RAP1GAP2: variants seen among roughly 807,000 people sequenced by gnomAD.
The protein encoded by RAP1GAP2 is RAP1 GTPase activating protein 2, also known as rap1 GTPase-activating protein 2.
Under a neutral mutation model 95.0 loss-of-function variants are expected in RAP1GAP2, and 27 were observed. The ratio of observed to expected loss-of-function variants is 0.28; its 90% CI spans 0.21 to 0.39. RAP1GAP2 has a LOEUF of 0.39. Ranked by LOEUF, RAP1GAP2 falls within the 10% of genes least tolerant of loss-of-function variation. The pLI, the probability that RAP1GAP2 is intolerant of heterozygous loss-of-function variation, is 1.00. For synonymous variants in RAP1GAP2, 373 were observed against 380.9 expected, an observed-to-expected ratio of 0.98 and a Z score of 0.24; for missense variants, 771 against 970.0, an observed-to-expected ratio of 0.79 and a Z score of 2.72.
rs918461556 is a variant in RAP1GAP2 at position 3,034,322 on chromosome 17, C to T, written c.*961C>T. Reference sequence around the variant, plus strand: ...AAAACCTCGGGCCTGAGGGCCAGGCCGGAGCCCAGGTCTCTGCTGACAATG... The same window carrying T: ...AAAACCTCGGGCCTGAGGGCCAGGCTGGAGCCCAGGTCTCTGCTGACAATG... On this transcript the variant is annotated 3_prime_UTR_variant, in exon 25 of 25. Transcript: ENST00000254695. The surrounding 1 kb of genome is among the most constrained non-coding windows in gnomAD (Gnocchi z 5.1). 5 of 202,406 alleles carry T rather than the reference C, an allele frequency of 2.5e-5. No individual in the cohort carries two copies. Among genetic ancestry groups the T allele is most frequent in the Admixed American group, 6.4e-5 (1 of 15,704 alleles). The allele number at this position is 202,406 out of a possible 1,614,324, so 12.5% of individuals were successfully genotyped here.
chr17:2,953,422 AACTTAATAT>A (rs2043986745), intron 3 of RAP1GAP2, among the ~76,000 whole-genome samples: 1 of 152,148 alleles, frequency 6.6e-6, no homozygotes. Context: ...TCCACCCCTC[AACTTAATAT>A]ATCTTGGAGA....
intron 1 of RAP1GAP2, among the ~76,000 whole-genome samples, chr17:2,767,247 A>G (rs984266193): frequency 1.3e-5 from 2 of 150,758 alleles, no homozygotes; most frequent in Non-Finnish European, 1.5e-5. Context: ...CTGTAATCCC[A>G]GCTGCTTGGG....
chr17:2,918,757 A>G (rs1340331422), intron 3 of RAP1GAP2, among the ~76,000 whole-genome samples: 1 of 152,152 alleles, frequency 6.6e-6, no homozygotes, highest in Non-Finnish European at 1.5e-5. Flanking sequence ...CCCCACCTCC[A>G]GCACTGAGGG....
chr17:2,849,417 G>A (rs2071730729), intron 2 of RAP1GAP2, among the ~76,000 whole-genome samples: 1 of 152,184 alleles, frequency 6.6e-6, no homozygotes, highest in Non-Finnish European at 1.5e-5. Flanking sequence ...CGGGGATTGG[G>A]GCTGATTCCC....
intron 1 of RAP1GAP2, among the ~76,000 whole-genome samples, chr17:2,780,150 A>G (rs1037621191): frequency 1.3e-5 from 2 of 152,144 alleles, no homozygotes; most frequent in Admixed American, 1.3e-4. Flanking sequence ...TCCTGGGTTC[A>G]AGTGATTCTC....
In RAP1GAP2 at chr17:2,914,087, G is replaced by A. The variant is rs370673081; in HGVS notation, c.165+8719G>A. Among the ~76,000 whole-genome samples, 268 of 152,150 alleles carry A rather than the reference G, an allele frequency of 1.8e-3. 2 individuals carry two copies. Among genetic ancestry groups the A allele is most frequent in the African/African-American group, 5.7e-3 (236 of 41,500 alleles). ...GGGGTTTCACCATGTTGGCCAGGAT[G>A]GTCTCGAACTCCCAACCTCAAGTGA... On this transcript the variant is annotated intron_variant, in intron 3 of 24. Transcript: ENST00000254695.
chr17:2,818,318 TTTATTTATTTATTTATTTATTTA>T (rs1285793603), intron 2 of RAP1GAP2, among the ~76,000 whole-genome samples: 2 of 147,136 alleles, frequency 1.4e-5, no homozygotes, highest in African/African-American at 5.2e-5. Flanking sequence ...TATTTATTTA[TTTATTTATTTATTTATTTATTTA>T]TTTTTGAGAC....
In RAP1GAP2 at chr17:3,030,944, G is replaced by A. The variant is rs748592156; in HGVS notation, c.2130G>A (p.Pro710=). The change falls in exon 23 of 25, where the codon CCG becomes CCA. Residue 710 remains proline, a synonymous_variant. Transcript: ENST00000254695. ...TAGATGCCAAAAGCAGAAACTCCCC[G>A]AGATCGAACCTGAAATTCCGCTTTG... ...SPTDAKSRNS[P]RSNLKFRFDK... is the part of the protein sequence containing the mutation. 2.9e-5 allele frequency: 47 copies of A among 1,609,596 alleles called. No individual in the cohort carries two copies. The highest frequency in any genetic ancestry group is 3.8e-5 in the Non-Finnish European group (45 of 1,178,166).
Position 3,029,164 on chromosome 17 carries a change from G to T in RAP1GAP2, c.2108-1758G>T, listed in dbSNP as rs772664347. 2.6e-5 allele frequency among the ~76,000 whole-genome samples: 4 copies of T among 152,168 alleles called. No individual in the cohort carries two copies. Among genetic ancestry groups the T allele is most frequent in the Non-Finnish European group, 4.4e-5 (3 of 68,026 alleles). ...TTAAATATTGAAGGAATGAATGAAA[G>T]AATCTGTAAGCAAGCCTGGCCCCCA... On this transcript the variant is annotated intron_variant, in intron 22 of 24. Coordinates refer to ENST00000254695, the MANE Select transcript of RAP1GAP2 (RefSeq NM_015085.5). The surrounding 1 kb of genome is among the most constrained non-coding windows in gnomAD (Gnocchi z 4.4).
intron 3 of RAP1GAP2, among the ~76,000 whole-genome samples, chr17:2,948,029 T>C (rs7213557): frequency 0.97 from 147,260 of 152,250 alleles, 71,331 homozygotes; most frequent in African/African-American, 0.98. Flanking sequence ...TGTAGCCTTG[T>C]CCCCTCCGTG....
chr17:2,787,178 T>C (rs1257608024), intron 1 of RAP1GAP2, among the ~76,000 whole-genome samples: 1 of 151,910 alleles, frequency 6.6e-6, no homozygotes, highest in South Asian at 2.1e-4. Context: ...CTCGAACTCC[T>C]GACCTCAAGT....
In RAP1GAP2 at chr17:2,884,372, G is replaced by GTT. The variant is rs72123618; in HGVS notation, c.81-20895_81-20894dup. Among the ~76,000 whole-genome samples, 48 of 123,722 alleles carry GTT rather than the reference G, an allele frequency of 3.9e-4. 1 individual carries two copies. The highest frequency in any genetic ancestry group is 8.0e-4 in the South Asian group (3 of 3,736). The allele number at this position is 123,722 out of a possible 152,430, so 81.2% of individuals were successfully genotyped here. A position where few individuals can be genotyped will look rare whatever the true frequency, so the allele number is the denominator to read the frequency against. ...CTCTTGGAGTCAGAGTTCTTGAGTT[G>GTT]TTTTTTTTTTTTTTTTTTGAGACAG... On this transcript the variant is annotated intron_variant, in intron 2 of 24. Transcript: ENST00000254695.
chr17:3,008,538 G>A lies in RAP1GAP2; in HGVS notation c.1494+393G>A, dbSNP rs935057149. ...CAGGAGCGAGGACCACAGCCCTTAC[G>A]GGTCTTCGTAGCTGCTGTGGGTGCC... On this transcript the variant is annotated intron_variant, in intron 17 of 24. Transcript: ENST00000254695. The surrounding 1 kb of genome is among the most constrained non-coding windows in gnomAD (Gnocchi z 4.2). Among the ~76,000 whole-genome samples, 2 of 152,202 alleles carry A rather than the reference G, an allele frequency of 1.3e-5. No individual in the cohort carries two copies. Among genetic ancestry groups the A allele is most frequent in the African/African-American group, 2.4e-5 (1 of 41,448 alleles).
intron 14 of RAP1GAP2, among the ~76,000 whole-genome samples, chr17:2,999,930 A>G (rs116948132): frequency 0.051 from 7,831 of 152,214 alleles, 252 homozygotes; most frequent in Middle Eastern, 0.095. Context: ...TGGCGAAGAC[A>G]TGGTGTGAGC....
At chr17:2,959,819 G>A (rs1342282367) in intron 4 of RAP1GAP2, among the ~76,000 whole-genome samples, 5 of 152,218 alleles carry the variant, frequency 3.3e-5, no homozygotes, top group Non-Finnish European at 1.5e-5. Context: ...AGGGGAGAAG[G>A]GGAAATAAAG....
intron 1 of RAP1GAP2, among the ~76,000 whole-genome samples, chr17:2,762,082 A>G (rs1167568908): frequency 7.6e-6 from 1 of 130,770 alleles, no homozygotes; most frequent in South Asian, 2.5e-4. Context: ...TCCGCCTCCC[A>G]GGTTCACGCC....
At chr17:2,761,391 C>T (rs910464413) in intron 1 of RAP1GAP2, among the ~76,000 whole-genome samples, 2 of 151,258 alleles carry the variant, frequency 1.3e-5, no homozygotes, top group Non-Finnish European at 2.9e-5. Flanking sequence ...CGGGTTCAAG[C>T]GATTCTCTTG....
At chr17:2,964,960 C>T (rs892030347) in intron 7 of RAP1GAP2, 10 of 153,614 alleles carry the variant, frequency 6.5e-5, no homozygotes, top group African/African-American at 2.4e-4. Context: ...ATTCCAGGGC[C>T]TCAGTCTGAT....
chr17:2,832,759 C>T (rs1179717767), intron 2 of RAP1GAP2, among the ~76,000 whole-genome samples: 5 of 151,604 alleles, frequency 3.3e-5, no homozygotes, highest in South Asian at 2.1e-4. Context: ...GGCGATGGCT[C>T]GAGGTCAGGA....
Sources: allele counts gnomAD v4.1 joint callset (sites outside exome capture counted in the v4.1 genomes callset), GRCh38; gene constraint gnomAD v4.1.1; non-coding constraint Gnocchi (gnomAD v3.1); transcripts MANE v1.5; gene names NCBI Gene and HGNC (gene_info 2026-07-23, HGNC 2026-07-21).